The following TRIM60 variants were observed in gnomAD, a reference collection of about 807,000 sequenced individuals.
TRIM60 encodes tripartite motif-containing protein 60.
For missense variants in TRIM60, 524 were observed against 540.8 expected (o/e 0.97, Z 0.31); for synonymous variants, 189 against 195.2 (o/e 0.97, Z 0.27).
At chr4:165,037,411 C>T (rs1579180385) in intron 1 of TRIM60, among the ~76,000 whole-genome samples, 1 of 152,062 alleles carries the variant, frequency 6.6e-6, no homozygotes, top group East Asian at 2.0e-4. Flanking sequence ...GCAACCTCTG[C>T]CTCCCGGGTT....
Position 165,032,103 on chromosome 4 carries a change from A to G in TRIM60, c.-66A>G, listed in dbSNP as rs6536886. On this transcript the variant is annotated 5_prime_UTR_variant, in exon 1 of 3. Transcript: ENST00000512596. ...GCATCAGGCCTGAGCCGCCGGTCCA[A>G]CTGCTCCAGGTAAGCTGGGAGGGCC... is the stretch of plus-strand genomic sequence containing the variant. 43,004 of 152,346 alleles carry G rather than the reference A, an allele frequency of 0.28. 7,211 individuals are homozygous for G. The highest frequency in any genetic ancestry group is 0.73 in the East Asian group (3,745 of 5,160). The allele number at this position is 152,346 out of a possible 1,614,324, so 9.4% of individuals were successfully genotyped here. A position where few individuals can be genotyped will look rare whatever the true frequency, so the allele number is the denominator to read the frequency against.
rs1174689157 is a variant in TRIM60 at position 165,041,125 on chromosome 4, C to T, written c.1053C>T (p.Tyr351=). ...AGAGATTTAGTTCTGGCCGACATTACTGGGAAGTAGAAGTGGGAAACAAAC... is the reference window on the plus strand; with the variant it reads ...AGAGATTTAGTTCTGGCCGACATTATTGGGAAGTAGAAGTGGGAAACAAAC... ...GSQRFSSGRH[Y]WEVEVGNKPK... Residue 351 remains tyrosine (Y), a synonymous_variant, in exon 3 of 3, where the codon TAC becomes TAT. Coordinates refer to ENST00000512596, the MANE Select transcript of TRIM60 (RefSeq NM_152620.3). 2.5e-6 allele frequency: 4 copies of T among 1,614,072 alleles called. No homozygotes were observed. Among genetic ancestry groups the T allele is most frequent in the Admixed American group, 1.7e-5 (1 of 60,000 alleles).
At chr4:165,036,795 C>T (rs943849053) in intron 1 of TRIM60, among the ~76,000 whole-genome samples, 10 of 150,752 alleles carry the variant, frequency 6.6e-5, no homozygotes, top group African/African-American at 1.2e-4. Context: ...GCAGGGGAAT[C>T]GCTTGAACCT....
intron 1 of TRIM60, among the ~76,000 whole-genome samples, chr4:165,032,416 T>A (rs1733523877): frequency 6.6e-6 from 1 of 152,182 alleles, no homozygotes; most frequent in Non-Finnish European, 1.5e-5. Flanking sequence ...ACCCAGCTAA[T>A]TTTTGTATTT....
At chr4:165,032,179 G>C (rs1733516033) in intron 1 of TRIM60, 67 bp downstream of exon 1, 1 of 152,308 alleles carries the variant, frequency 6.6e-6, no homozygotes, top group South Asian at 2.1e-4. Flanking sequence ...ACTGGGCAGG[G>C]GCTTCCTGAG....
Position 165,040,418 on chromosome 4 carries a change from T to G in TRIM60, c.346T>G (p.Cys116Gly), listed in dbSNP as rs145566562. The change falls in exon 3 of 3, where the codon TGT becomes GGT. Residue 116 changes from cysteine (C) to glycine (G), a missense_variant. Coordinates refer to ENST00000512596, the MANE Select transcript of TRIM60 (RefSeq NM_152620.3). ...LFCVKDLEIL[C>G]TQCSFSTKHQ... ...CTGTGTTAAAGATCTAGAGATCTTA[T>G]GTACACAGTGCAGTTTCTCCACTAA... 4.3e-6 allele frequency: 7 copies of G among 1,614,082 alleles called. No homozygotes were observed. In the Admixed American group the frequency reaches 8.3e-5, roughly 19 times the overall value.
At position 165,040,784 on chromosome 4, in the gene TRIM60, G is replaced by T; in HGVS notation, c.712G>T (p.Glu238Ter). 6.2e-7 allele frequency: 1 copy of T among 1,614,182 alleles called. No individual in the cohort carries two copies. Among genetic ancestry groups the T allele is most frequent in the Non-Finnish European group, 8.5e-7 (1 of 1,180,022 alleles). Reference protein sequence around the residue: ...STLKHLLREVEGKSVQSNLEL... With the variant: ...STLKHLLREV ...ATTAAAACATCTACTGAGGGAGGTAGAGGGCAAGTCTGTGCAGTCAAACCT... is the reference window on the plus strand; with the variant it reads ...ATTAAAACATCTACTGAGGGAGGTATAGGGCAAGTCTGTGCAGTCAAACCT... Residue 238 changes from glutamate to a stop codon, truncating the protein, a stop_gained, in exon 3 of 3, where the codon GAG (glutamate) becomes TAG (stop). Transcript: ENST00000512596. LOFTEE classifies it low-confidence loss of function (END_TRUNC).
intron 1 of TRIM60, among the ~76,000 whole-genome samples, chr4:165,034,087 G>A (rs1733565072): frequency 6.6e-6 from 1 of 152,086 alleles, no homozygotes; most frequent in African/African-American, 2.4e-5. Context: ...TGTGGGGAAG[G>A]ACGAACCATT....
At chr4:165,039,654 C>T (rs1298132226) in intron 2 of TRIM60, 2 of 153,338 alleles carry the variant, frequency 1.3e-5, no homozygotes, top group Non-Finnish European at 1.4e-5. Context: ...AAAAATTAGC[C>T]GGGCGCGGTG....
rs954725322 is a variant in TRIM60, at chr4:165,041,646, T to C, written c.*158T>C. On this transcript the variant is annotated 3_prime_UTR_variant, in exon 3 of 3. Coordinates refer to ENST00000512596, the MANE Select transcript of TRIM60 (RefSeq NM_152620.3). ...AGATGTTCATAATGCCACTTTCATA[T>C]ATTCTATGAATATCAATTGTCAGGT... The C allele has an allele frequency of 9.0e-6, 4 of 442,706 alleles. No individual in the cohort carries two copies. The highest frequency in any genetic ancestry group is 8.1e-5 in the African/African-American group (4 of 49,390). 27.4% of individuals were successfully genotyped at this position (442,706 alleles called of 1,614,324 possible).
In TRIM60 at chr4:165,040,493, A is replaced by G; in HGVS notation, c.421A>G (p.Arg141Gly). 6.2e-7 allele frequency: 1 copy of G among 1,614,154 alleles called. No homozygotes were observed. The highest frequency in any genetic ancestry group is 8.5e-7 in the Non-Finnish European group (1 of 1,179,994). The change falls in exon 3 of 3, where the codon AGA becomes GGA. Residue 141 changes from arginine (R) to glycine (G), a missense_variant. By Grantham distance (125) the Arg-to-Gly change is moderately radical (BLOSUM62 -2). Coordinates refer to ENST00000512596, the MANE Select transcript of TRIM60 (RefSeq NM_152620.3). ...TATTAAGAAAGCTGCCTCTTATCACAGAGAAATTCTAGAAGGTAGCCTTGA... is the reference window on the plus strand; with the variant it reads ...TATTAAGAAAGCTGCCTCTTATCACGGAGAAATTCTAGAAGGTAGCCTTGA... ...CPIKKAASYH[R>G]EILEGSLEPL...
In TRIM60 at chr4:165,041,200, G is replaced by T. The variant is rs764516744; in HGVS notation, c.1128G>T (p.Gln376His). The T allele has an allele frequency of 6.2e-7, 1 of 1,614,160 alleles. No homozygotes were observed. Among genetic ancestry groups the T allele is most frequent in the Non-Finnish European group, 8.5e-7 (1 of 1,180,038 alleles). Residue 376 changes from glutamine to histidine, a missense_variant, in exon 3 of 3, where the codon CAG becomes CAT. Gln to His is a conservative substitution (Grantham distance 24). Coordinates refer to ENST00000512596, the MANE Select transcript of TRIM60 (RefSeq NM_152620.3). ...VCQDCLLRNW[Q>H]DQPSVLGGFW... The stretch of plus-strand genomic sequence containing the variant: ...AAGACTGTCTTCTTAGGAACTGGCA[G>T]GATCAGCCATCAGTTCTGGGCGGAT...
At chr4:165,039,970 C>A in intron 2 of TRIM60, 99 bp from the exon 3 acceptor site, 1 of 905,428 alleles carries the variant, frequency 1.1e-6, no homozygotes. Context: ...GATCAATCTA[C>A]AAGGTCTGGG....
intron 1 of TRIM60, among the ~76,000 whole-genome samples, chr4:165,036,234 A>AT (rs60349844): frequency 0.076 from 11,514 of 151,158 alleles, 1,345 homozygotes; most frequent in African/African-American, 0.25. Flanking sequence ...ACATCCTTAC[A>AT]TTTTTTTTTC....
chr4:165,032,544 C>G (rs1360439287), intron 1 of TRIM60, among the ~76,000 whole-genome samples: 3 of 152,174 alleles, frequency 2.0e-5, no homozygotes, highest in African/African-American at 7.2e-5. Flanking sequence ...CCACCGTGCT[C>G]GGCCGGATTC....
chr4:165,038,483 T>G (rs1733673269), intron 1 of TRIM60, among the ~76,000 whole-genome samples: 1 of 151,692 alleles, frequency 6.6e-6, no homozygotes, highest in Non-Finnish European at 1.5e-5. Context: ...AAAACCACCC[T>G]GGCCAACACA....
At chr4:165,034,127 C>T (rs1198421513) in intron 1 of TRIM60, among the ~76,000 whole-genome samples, 1 of 151,374 alleles carries the variant, frequency 6.6e-6, no homozygotes, top group Admixed American at 6.6e-5. Flanking sequence ...GGAATGTTCC[C>T]TGCACCTTTT....
rs777006576 is a variant in TRIM60, at chr4:165,040,296, C to G, written c.224C>G (p.Thr75Ser). 1.8e-5 allele frequency: 29 copies of G among 1,614,050 alleles called. No homozygotes were observed. In the Middle Eastern group the frequency reaches 6.6e-4, roughly 37 times the overall value. ...FRRNPQLRNL[T>S]EIAKQLQIRR... is the part of the protein sequence containing the mutation. ...AGGAACCCCCAGCTCCGTAATTTGA[C>G]TGAAATTGCTAAACAACTCCAGATT... is the stretch of plus-strand genomic sequence containing the variant. Residue 75 changes from threonine to serine, a missense_variant, in exon 3 of 3, where the codon ACT (threonine) becomes AGT (serine). Transcript: ENST00000512596.
rs781170081 is a variant in TRIM60 at position 165,041,358 on chromosome 4, A to G, written c.1286A>G (p.Tyr429Cys). Reference sequence around the variant, plus strand: ...TATGAATTGGGTGATCTTTCCTTTTATAATATGAATGATAGGTCTATTCTC... The same window carrying G: ...TATGAATTGGGTGATCTTTCCTTTTGTAATATGAATGATAGGTCTATTCTC... ...LDYELGDLSF[Y>C]NMNDRSILYT... Residue 429 changes from tyrosine to cysteine, a missense_variant, in exon 3 of 3, where the codon TAT becomes TGT. Physicochemically the swap from Tyr to Cys is radical, Grantham distance 194. Transcript: ENST00000512596. 6.2e-7 allele frequency: 1 copy of G among 1,614,134 alleles called. No individual in the cohort carries two copies. Among genetic ancestry groups the G allele is most frequent in the South Asian group, 1.1e-5 (1 of 91,074 alleles).
Sources: gnomAD v4.1 joint callset for allele counts (sites outside exome capture counted in the v4.1 genomes callset) on GRCh38, gnomAD v4.1.1 for gene constraint, MANE v1.5 for transcripts, NCBI Gene and HGNC (gene_info 2026-07-23, HGNC 2026-07-21) for gene names.